KLHDC4: variants seen among roughly 807,000 people sequenced by gnomAD.
KLHDC4 encodes the protein kelch domain containing 4, also known as kelch domain-containing protein 4.
Under a neutral mutation model 62.4 loss-of-function variants are expected in KLHDC4, and 90 were observed. That is an observed-to-expected ratio of 1.44 (90% CI 1.22 to 1.72). The LOEUF is 1.72. Among genes scored for constraint, KLHDC4 ranks in the 40% most tolerant of loss-of-function variants. The pLI is 0.00. For missense variants in KLHDC4, 1,025 were observed against 699.7 expected (o/e 1.47, Z -5.25); for synonymous variants, 386 against 284.4 (o/e 1.36, Z -3.59).
intron 2 of KLHDC4, 113 bp downstream of exon 2, chr16:87,761,836 A>T (rs2143473752): frequency 9.9e-7 from 1 of 1,006,556 alleles, no homozygotes; most frequent in Non-Finnish European, 1.5e-6. Flanking sequence ...AGGTTTTAAT[A>T]ATGAAAATGT....
intron 10 of KLHDC4, 27 bp from the exon 11 acceptor site, chr16:87,708,493 C>G (rs1406408201): frequency 6.5e-7 from 1 of 1,547,214 alleles, no homozygotes; most frequent in African/African-American, 1.4e-5. Flanking sequence ...AACGCACATA[C>G]ACGTCAGCGC....
intron 7 of KLHDC4, 110 bp from the exon 8 acceptor site, chr16:87,714,683 G>A (rs12928911): frequency 0.069 from 78,509 of 1,131,784 alleles, 3,774 homozygotes; most frequent in South Asian, 0.18. Context: ...GGCCTTCCCT[G>A]TAGACCAGCC....
chr16:87,765,744 C>T, intron 1 of KLHDC4, 48 bp downstream of exon 1: 2 of 1,522,356 alleles, frequency 1.3e-6, no homozygotes, highest in Middle Eastern at 1.7e-4. Flanking sequence ...TCGGCCGAGG[C>T]TGCACGGCCG....
chr16:87,760,214 G>C (rs1381468139), intron 2 of KLHDC4, among the ~76,000 whole-genome samples: 1 of 146,480 alleles, frequency 6.8e-6, no homozygotes, highest in African/African-American at 2.5e-5. Flanking sequence ...ATTACTTATG[G>C]AAAAATTCTA....
At chr16:87,737,106 C>CAAAAAAAAAAAAA (rs55787836) in intron 5 of KLHDC4, among the ~76,000 whole-genome samples, 2 of 64,824 alleles carry the variant, frequency 3.1e-5, no homozygotes, top group African/African-American at 5.4e-5. Context: ...GCCTGGGCGA[C>CAAAAAAAAAAAAA]AAAAAAAAAA....
chr16:87,714,284 A>G (rs2036483657), intron 8 of KLHDC4: 1 of 690,776 alleles, frequency 1.4e-6, no homozygotes. Context: ...TCAGTCCATC[A>G]TCAATGCCCC....
At chr16:87,719,112 C>T (rs976008728) in intron 7 of KLHDC4, among the ~76,000 whole-genome samples, 7 of 152,034 alleles carry the variant, frequency 4.6e-5, no homozygotes, top group Non-Finnish European at 7.4e-5. Flanking sequence ...TGCCTCTGCC[C>T]GGCTGCCCCG....
At chr16:87,722,831 G>A (rs1042112799) in intron 7 of KLHDC4, among the ~76,000 whole-genome samples, 3 of 152,266 alleles carry the variant, frequency 2.0e-5, no homozygotes, top group African/African-American at 2.4e-5. Context: ...TGGCAGGAGA[G>A]TGCAGTGCAT....
exon 1 of KLHDC4, chr16:87,699,064 C>A (rs2034023494): frequency 6.6e-6 from 1 of 152,332 alleles, no homozygotes; most frequent in East Asian, 1.9e-4. Context: ...CGTCTCCCCA[C>A]CCTTACAAGC....
At chr16:87,723,151 C>G (rs1423558812) in intron 7 of KLHDC4, among the ~76,000 whole-genome samples, 2 of 152,258 alleles carry the variant, frequency 1.3e-5, no homozygotes, top group East Asian at 3.8e-4. Context: ...AGTTCGTGCA[C>G]ACTGCCGCTT....
At chr16:87,716,583 C>T (rs62055569) in intron 7 of KLHDC4, among the ~76,000 whole-genome samples, 11,400 of 152,168 alleles carry the variant, frequency 0.075, 580 homozygotes, top group Non-Finnish European at 0.1. Flanking sequence ...CCCTACGATT[C>T]GCCATTTCTC....
chr16:87,703,646 C>T (rs939647937), downstream of KLHDC4, among the ~76,000 whole-genome samples: 1 of 150,566 alleles, frequency 6.6e-6, no homozygotes, highest in Non-Finnish European at 1.5e-5. Flanking sequence ...AAAGGTGGGT[C>T]CCCTGGGTGG....
intron 1 of KLHDC4, among the ~76,000 whole-genome samples, chr16:87,764,415 C>T (rs1290526533): frequency 2.6e-5 from 4 of 151,788 alleles, no homozygotes; most frequent in Non-Finnish European, 5.9e-5. Context: ...TTTGGGAGGC[C>T]GAGGCGAGCG....
chr16:87,731,742 C>A (rs542507930), intron 5 of KLHDC4, among the ~76,000 whole-genome samples: 2 of 152,356 alleles, frequency 1.3e-5, no homozygotes, highest in South Asian at 2.1e-4. Context: ...CCAGTCCACA[C>A]AGACGGACAT....
exon 1 of KLHDC4, chr16:87,699,247 GCAC>G (rs2142867935): frequency 6.6e-6 from 1 of 152,364 alleles, no homozygotes; most frequent in South Asian, 2.1e-4. Context: ...GTTCAGTAGC[GCAC>G]AGAATGTGCC....
intron 5 of KLHDC4, among the ~76,000 whole-genome samples, chr16:87,732,784 T>C (rs1363677508): frequency 6.6e-6 from 1 of 151,722 alleles, no homozygotes; most frequent in African/African-American, 2.4e-5. Flanking sequence ...AAAAGGCAGG[T>C]GCAAAGCAAA....
Position 87,709,420 on chromosome 16 carries a change from G to T in KLHDC4, c.1292C>A (p.Pro431Gln), listed in dbSNP as rs1464203839. ...CACAGCCAGCATGGCGTTGGAGCGT[G>T]GACACGGCCCAGGTGCGGGGCTGCC... ...EAGSPAPGPC[P>Q]RSNAMLAVKH... Residue 431 changes from proline (P) to glutamine (Q), a missense_variant, in exon 10 of 12, where the codon CCA (proline) becomes CAA (glutamine). By Grantham distance (76) the Pro-to-Gln change is moderately conservative. Transcript: ENST00000270583. 6.2e-7 allele frequency: 1 copy of T among 1,613,084 alleles called. No individual in the cohort carries two copies. The highest frequency in any genetic ancestry group is 1.3e-5 in the African/African-American group (1 of 75,054).
chr16:87,756,165 G>C, intron 3 of KLHDC4: 1 of 390,882 alleles, frequency 2.6e-6, no homozygotes, highest in South Asian at 3.8e-5. Flanking sequence ...TGACGGCAGA[G>C]CTGGGCCTCA....
At chr16:87,735,388 G>A (rs968412391) in intron 5 of KLHDC4, among the ~76,000 whole-genome samples, 2 of 152,094 alleles carry the variant, frequency 1.3e-5, no homozygotes, top group Admixed American at 6.5e-5. Context: ...ACCGAGCGCT[G>A]CCACTGCCGT....
Sources: allele counts gnomAD v4.1 joint callset (sites outside exome capture counted in the v4.1 genomes callset), GRCh38; gene constraint gnomAD v4.1.1; transcripts MANE v1.5; gene names NCBI Gene and HGNC (gene_info 2026-07-23, HGNC 2026-07-21).